GART: variants seen among roughly 807,000 people sequenced by gnomAD.
GART encodes the protein phosphoribosylglycinamide formyltransferase, phosphoribosylglycinamide synthetase, phosphoribosylaminoimidazole synthetase.
GART carries 43 observed loss-of-function variants against 107.2 expected under a neutral mutation model. The ratio of observed to expected loss-of-function variants is 0.40; its 90% CI spans 0.31 to 0.52. The LOEUF is 0.52. Ranked by LOEUF, GART falls within the 20% of genes least tolerant of loss-of-function variation. GART has a pLI of 0.52. For missense variants in GART, 1,107 were observed against 1,206.5 expected (o/e 0.92, Z 1.22); for synonymous variants, 434 against 427.0 (o/e 1.02, Z -0.20).
chr21:33,528,631 A>AG (rs752508280), intron 8 of GART, 27 bp from the exon 9 acceptor site: 37 of 1,439,176 alleles, frequency 2.6e-5, no homozygotes, highest in Middle Eastern at 1.8e-4. Flanking sequence ...AAAAAAAAAA[A>AG]AGAGAGAAAG....
intron 10 of GART, among the ~76,000 whole-genome samples, chr21:33,526,607 A>G (rs1172052144): frequency 2.0e-5 from 3 of 152,082 alleles, no homozygotes; most frequent in Non-Finnish European, 4.4e-5. Flanking sequence ...GATCAGTACA[A>G]TGCAAAACAT....
Position 33,520,421 on chromosome 21 carries a change from C to T in GART, c.1645G>A (p.Glu549Lys), listed in dbSNP as rs755530140. 1 of 1,614,172 alleles carries T rather than the reference C, an allele frequency of 6.2e-7. No homozygotes were observed. The highest frequency in any genetic ancestry group is 1.7e-5 in the Admixed American group (1 of 60,022). Residue 549 changes from glutamate (E) to lysine (K), a missense_variant, in exon 14 of 22, where the codon GAA becomes AAA. By Grantham distance (56) the Glu-to-Lys change is moderately conservative. Transcript: ENST00000381815. ...TTAGCAATTCCAGCAACAACAGCTT[C>T]AGTTACACTGAGGTCAAGTTTTCCA... ...SCGKLDLSVT[E>K]AVVAGIAKAC...
At chr21:33,511,129 A>C in intron 17 of GART, 123 bp downstream of exon 17, 1 of 924,838 alleles carries the variant, frequency 1.1e-6, no homozygotes, top group Admixed American at 1.8e-5. Context: ...ATCTGTGTAA[A>C]GATAGTTGCC....
chr21:33,504,020 G>T lies in GART; in HGVS notation c.*104C>A. On this transcript the variant is annotated 3_prime_UTR_variant, in exon 22 of 22. Transcript: ENST00000381815. ...ATGAAGTAAGGGTGAGGTCTTTTTT[G>T]TCTTTTAGCAGTTTTTCTTTTGGGC... 3.8e-6 allele frequency: 4 copies of T among 1,042,230 alleles called. No homozygotes were observed. The highest frequency in any genetic ancestry group is 5.5e-6 in the Non-Finnish European group (4 of 731,812). The allele number at this position is 1,042,230 out of a possible 1,614,324, so 64.6% of individuals were successfully genotyped here.
At chr21:33,524,522 G>T (rs1045251382) in intron 11 of GART, 4 of 1,087,552 alleles carry the variant, frequency 3.7e-6, no homozygotes, top group Non-Finnish European at 4.5e-6. Context: ...AAAAAAAATA[G>T]AAAACAAATA....
At chr21:33,527,432 C>T (rs111413470) in intron 10 of GART, among the ~76,000 whole-genome samples, 14,117 of 151,984 alleles carry the variant, frequency 0.093, 945 homozygotes, top group Non-Finnish European at 0.14. Context: ...TCAGAAGAAT[C>T]GCTTGAACCC....
intron 11 of GART, 164 bp downstream of exon 11, chr21:33,524,605 T>C (rs2085034322): frequency 2.0e-6 from 2 of 1,017,940 alleles, no homozygotes; most frequent in Non-Finnish European, 2.6e-6. Context: ...CATTTGAGTA[T>C]TGCTATAACC....
chr21:33,513,181 T>A (rs1393566819), intron 16 of GART, among the ~76,000 whole-genome samples: 2 of 149,710 alleles, frequency 1.3e-5, no homozygotes, highest in Non-Finnish European at 3.0e-5. Context: ...GCCAGGCTGG[T>A]CTTGAACTCC....
chr21:33,520,844 T>G, intron 13 of GART, 62 bp downstream of exon 13: 1 of 1,217,686 alleles, frequency 8.2e-7, no homozygotes, highest in Admixed American at 2.1e-5. Context: ...GAAAAATACA[T>G]ATTTGATATA....
chr21:33,512,796 T>TTG (rs1391046907), intron 16 of GART, among the ~76,000 whole-genome samples: 8 of 152,118 alleles, frequency 5.3e-5, no homozygotes, highest in Non-Finnish European at 8.8e-5. Flanking sequence ...TCTTACCATG[T>TTG]TGCCCAGTCT....
chr21:33,524,879 G>A lies in GART; in HGVS notation c.1188C>T (p.Leu396=). ...VLAVTAIREN[L]ISALEEAKKG... Reference sequence around the variant, plus strand: ...TCTTGGCTTCCTCAAGGGCTGATATGAGATTTTCCCGGATGGCTGTGACTG... The same window carrying A: ...TCTTGGCTTCCTCAAGGGCTGATATAAGATTTTCCCGGATGGCTGTGACTG... The change falls in exon 11 of 22, where the codon CTC becomes CTT. Residue 396 remains leucine (L), a synonymous_variant. Transcript: ENST00000381815. 1 of 1,614,186 alleles carries A rather than the reference G, an allele frequency of 6.2e-7. No individual in the cohort carries two copies. Among genetic ancestry groups the A allele is most frequent in the East Asian group, 2.2e-5 (1 of 44,886 alleles).
At chr21:33,533,265 C>T (rs2085230491) in intron 4 of GART, among the ~76,000 whole-genome samples, 1 of 151,454 alleles carries the variant, frequency 6.6e-6, no homozygotes, top group African/African-American at 2.4e-5. Context: ...CAGTGAAACC[C>T]CGTCTCTTCT....
At chr21:33,506,143 A>T (rs2070390) in intron 18 of GART, 39 bp from the exon 19 acceptor site, 348,559 of 1,562,028 alleles carry the variant, frequency 0.22, 40,573 homozygotes, top group Non-Finnish European at 0.24. Context: ...TCATACTACT[A>T]CTTCTTTTTT....
At chr21:33,538,001 G>A (rs1200840239) in intron 2 of GART, among the ~76,000 whole-genome samples, 2 of 152,074 alleles carry the variant, frequency 1.3e-5, no homozygotes, top group Non-Finnish European at 2.9e-5. Context: ...CCAGCACTTT[G>A]GGAGGCTGAG....
intron 5 of GART, 87 bp from the exon 6 acceptor site, chr21:33,531,644 G>T: frequency 8.2e-7 from 1 of 1,221,350 alleles, no homozygotes; most frequent in Non-Finnish European, 1.1e-6. Flanking sequence ...GCATTATCCA[G>T]CATTTGTATT....
At chr21:33,541,449 C>T (rs546697334) in intron 1 of GART, among the ~76,000 whole-genome samples, 1 of 152,304 alleles carries the variant, frequency 6.6e-6, no homozygotes, top group Non-Finnish European at 1.5e-5. Context: ...ATAAACAGAT[C>T]TTTAAATCTA....
rs537241808 is a variant in GART, at chr21:33,522,051, C to T, written c.1393+137G>A. The T allele has an allele frequency of 3.6e-5, 21 of 577,882 alleles. No homozygotes were observed. The East Asian group carries it at 6.0e-4, about 16-fold the overall frequency. The allele number at this position is 577,882 out of a possible 1,614,324, so 35.8% of individuals were successfully genotyped here. A position where few individuals can be genotyped will look rare whatever the true frequency, so the allele number is the denominator to read the frequency against. On this transcript the variant is annotated intron_variant, in intron 12 of 21. Transcript: ENST00000381815. ...ATATTAAAGAAAAGAAAGCAGAAGA[C>T]TGGGTTTGGCTTAAGCAGGGCAAAA...
intron 14 of GART, 93 bp downstream of exon 14, chr21:33,520,271 T>C (rs2084946615): frequency 9.5e-7 from 1 of 1,047,794 alleles, no homozygotes; most frequent in Admixed American, 1.9e-5. Flanking sequence ...ACAGTCTCTC[T>C]TGCTAGCTAC....
At chr21:33,538,241 C>CA (rs397866694) in intron 2 of GART, among the ~76,000 whole-genome samples, 43,452 of 88,256 alleles carry the variant, frequency 0.49, 11,008 homozygotes, top group African/African-American at 0.63. Flanking sequence ...GACTCTGTCT[C>CA]AAAAAAAAAA....
Sources: gnomAD v4.1 joint callset for allele counts (sites outside exome capture counted in the v4.1 genomes callset) on GRCh38, gnomAD v4.1.1 for gene constraint, MANE v1.5 for transcripts, NCBI Gene and HGNC (gene_info 2026-07-23, HGNC 2026-07-21) for gene names.